CASTOR1: variants seen among roughly 807,000 people sequenced by gnomAD.
CASTOR1 encodes cytosolic arginine sensor for mTORC1 subunit 1.
CASTOR1 carries 18 observed loss-of-function variants against 33.7 expected under a neutral mutation model. The observed-to-expected ratio is 0.53, with a 90% CI of 0.37 to 0.79. The LOEUF (loss-of-function observed/expected upper bound fraction) is 0.79, where lower values mean the gene tolerates loss of function less well. Ranked by LOEUF, CASTOR1 falls within the 30% of genes least tolerant of loss-of-function variation. The pLI is 0.00. For synonymous variants in CASTOR1, 175 were observed against 190.6 expected (o/e 0.92, Z 0.67); for missense variants, 362 against 446.3 (o/e 0.81, Z 1.70).
At chr22:30,287,647 A>C in intron 2 of CASTOR1, 87 bp from the exon 3 acceptor site, 2 of 1,306,688 alleles carry the variant, frequency 1.5e-6, no homozygotes, top group South Asian at 2.7e-5. Flanking sequence ...TGTGCCTTGG[A>C]GGGCTCCATC....
Position 30,285,493 on chromosome 22 carries a change from G to A in CASTOR1, c.*127C>T, listed in dbSNP as rs1015882868. The A allele has an allele frequency of 2.2e-5, 16 of 736,270 alleles. No homozygotes were observed. In the African/African-American group the frequency reaches 2.5e-4, roughly 12 times the overall value. The allele number at this position is 736,270 out of a possible 1,614,324, so 45.6% of individuals were successfully genotyped here. A position where few individuals can be genotyped will look rare whatever the true frequency, so the allele number is the denominator to read the frequency against. ...GGTGCCTGCACGCAGCTTACATACAGAGAGCGGAACGAGGGTCCCCAGCAG... is the reference window on the plus strand; with the variant it reads ...GGTGCCTGCACGCAGCTTACATACAAAGAGCGGAACGAGGGTCCCCAGCAG... On this transcript the variant is annotated 3_prime_UTR_variant, in exon 9 of 9. Transcript: ENST00000407689.
At chr22:30,287,666 G>A in intron 2 of CASTOR1, 106 bp from the exon 3 acceptor site, 1 of 1,129,326 alleles carries the variant, frequency 8.9e-7, no homozygotes, top group South Asian at 1.5e-5. Flanking sequence ...TCAAGGTAAG[G>A]GCAGGTCTGG....
rs767731570 is a variant in CASTOR1 at position 30,287,452 on chromosome 22, G to A, written c.293C>T (p.Ala98Val). The change falls in exon 3 of 9, where the codon GCC becomes GTC. Residue 98 changes from alanine to valine, a missense_variant. By Grantham distance (64) the Ala-to-Val change is moderately conservative. Transcript: ENST00000407689. ...GGCCAGTGGCGCGATGACCGAACGG[G>A]CGATCTTGGTGACCCCAGCAGCCTG... ...AVQAAGVTKI[A>V]RSVIAPLAEH... The A allele has an allele frequency of 6.2e-7, 1 of 1,613,380 alleles. No individual in the cohort carries two copies. The highest frequency in any genetic ancestry group is 8.5e-7 in the Non-Finnish European group (1 of 1,180,044).
At chr22:30,288,439 C>T (rs1222905137) in intron 2 of CASTOR1, among the ~76,000 whole-genome samples, 2 of 152,156 alleles carry the variant, frequency 1.3e-5, no homozygotes, top group Non-Finnish European at 2.9e-5. Context: ...TGCCCCTCAG[C>T]GGTTTTAAGT....
rs759295672 is a variant in CASTOR1, at chr22:30,286,957, G to A, written c.506-9C>T. On this transcript the variant is annotated splice_polypyrimidine_tract_variant and intron_variant, in intron 4 of 8. Transcript: ENST00000407689. The stretch of plus-strand genomic sequence containing the variant: ...CACCGTGGGGCTGGGCCCTGCTGGA[G>A]GACAGCAGCAGGTGAAAAGGTGTCC... The A allele has an allele frequency of 6.2e-7, 1 of 1,607,212 alleles. No individual in the cohort carries two copies. Among genetic ancestry groups the A allele is most frequent in the Non-Finnish European group, 8.5e-7 (1 of 1,175,538 alleles).
Position 30,286,374 on chromosome 22 carries a change from G to T in CASTOR1, c.632C>A (p.Thr211Asn), listed in dbSNP as rs758898589. The change falls in exon 6 of 9, where the codon ACC becomes AAC. Residue 211 changes from threonine (T) to asparagine (N), a missense_variant and splice_region_variant. Coordinates refer to ENST00000407689, the MANE Select transcript of CASTOR1 (RefSeq NM_001037666.3). ...ACTGCTAGAGGCTGCCTCCTTGGGG[G>T]TGCTGGGGAGGGATGGGAGGTTTAG... Reference protein sequence around the residue: ...LIDVLFYSHSTPKEAASSSPE... With the variant: ...LIDVLFYSHSNPKEAASSSPE... The T allele has an allele frequency of 1.2e-6, 2 of 1,608,398 alleles. No individual in the cohort carries two copies. Among genetic ancestry groups the T allele is most frequent in the Non-Finnish European group, 8.5e-7 (1 of 1,175,070 alleles).
chr22:30,287,471 C>T lies in CASTOR1; in HGVS notation c.274G>A (p.Ala92Thr), dbSNP rs557296879. Residue 92 changes from alanine (A) to threonine (T), a missense_variant, in exon 3 of 9, where the codon GCT becomes ACT. Physicochemically the swap from Ala to Thr is moderately conservative, Grantham distance 58 (BLOSUM62 0). Coordinates refer to ENST00000407689, the MANE Select transcript of CASTOR1 (RefSeq NM_001037666.3). Reference protein sequence around the residue: ...SSHSGAAVQAAGVTKIARSVI... With the variant: ...SSHSGAAVQATGVTKIARSVI... ...GAACGGGCGATCTTGGTGACCCCAG[C>T]AGCCTGCACTGCCGCACCGCTGTGA... 4 of 1,613,236 alleles carry T rather than the reference C, an allele frequency of 2.5e-6. No homozygotes were observed. Among genetic ancestry groups the T allele is most frequent in the Non-Finnish European group, 3.4e-6 (4 of 1,180,048 alleles).
intron 1 of CASTOR1, 172 bp from the exon 2 acceptor site, chr22:30,288,948 G>T: frequency 1.7e-6 from 1 of 579,092 alleles, no homozygotes; most frequent in Non-Finnish European, 3.0e-6. Context: ...CGGGGGTTGG[G>T]GGCTACTTTC....
intron 8 of CASTOR1, 60 bp downstream of exon 8, chr22:30,285,772 C>T: frequency 1.3e-6 from 2 of 1,536,854 alleles, no homozygotes; most frequent in Non-Finnish European, 1.8e-6. Flanking sequence ...CTGAGACTAC[C>T]TCCTGCCGCC....
chr22:30,288,149 A>G (rs1260841965), intron 2 of CASTOR1, among the ~76,000 whole-genome samples: 3 of 152,344 alleles, frequency 2.0e-5, no homozygotes, highest in Non-Finnish European at 4.4e-5. Flanking sequence ...TCCAGGCCCC[A>G]GGGAGGGCCC....
Position 30,288,788 on chromosome 22 carries a change from T to C in CASTOR1, c.114-12A>G, listed in dbSNP as rs199816784. ...TGAAGAACTTGCACCTGGTTGGGGG[T>C]GGGGAGCATCTTCAGCTTGGTGTGG... On this transcript the variant is annotated splice_polypyrimidine_tract_variant and intron_variant, in intron 1 of 8. Coordinates refer to ENST00000407689, the MANE Select transcript of CASTOR1 (RefSeq NM_001037666.3). 2.5e-6 allele frequency: 4 copies of C among 1,605,914 alleles called. No homozygotes were observed. The highest frequency in any genetic ancestry group is 1.7e-4 in the Middle Eastern group (1 of 6,030).
intron 2 of CASTOR1, chr22:30,288,096 G>A (rs1333408514): frequency 8.5e-6 from 3 of 350,976 alleles, no homozygotes; most frequent in African/African-American, 2.1e-5. Context: ...AAGCCTGTGA[G>A]GATGGGCAGG....
intron 1 of CASTOR1, 127 bp downstream of exon 1, chr22:30,289,258 G>A (rs1440829557): frequency 1.4e-5 from 10 of 730,998 alleles, no homozygotes; most frequent in Non-Finnish European, 2.1e-5. Flanking sequence ...CGGACGGGGA[G>A]AGTCCTCCCC....
At chr22:30,286,574 C>A in intron 5 of CASTOR1, 198 bp from the exon 6 acceptor site, 1 of 664,234 alleles carries the variant, frequency 1.5e-6, no homozygotes, top group Non-Finnish European at 2.6e-6. Flanking sequence ...CCAGCCTGTG[C>A]CAAAAACAAA....
Position 30,286,947 on chromosome 22 carries a change from C to T in CASTOR1, c.507G>A (p.Gly169=), listed in dbSNP as rs995386237. The T allele has an allele frequency of 3.7e-6, 6 of 1,610,546 alleles. No individual in the cohort carries two copies. The South Asian group carries it at 5.5e-5, about 15-fold the overall frequency. Residue 169 remains glycine, a splice_region_variant and synonymous_variant, in exon 5 of 9, where the codon GGG becomes GGA. Transcript: ENST00000407689. ...SSNGFPRTQH[G]PSPTVHPIQS... ...GGATGGGATGCACCGTGGGGCTGGG[C>T]CCTGCTGGAGGACAGCAGCAGGTGA...
At position 30,285,267 on chromosome 22, in the gene CASTOR1, G is replaced by C. The variant is rs1601661019; in HGVS notation, c.*353C>G. The C allele has an allele frequency of 1.4e-5, 3 of 210,216 alleles. No homozygotes were observed. The highest frequency in any genetic ancestry group is 1.1e-4 in the East Asian group (1 of 8,740). 13.0% of individuals were successfully genotyped at this position (210,216 alleles called of 1,614,324 possible). Reference sequence around the variant, plus strand: ...CCCACCAGAGGCAGAACGGAGGTCAGCGGGGCAGCTGGCCCAGGAAGCCTT... The same window carrying C: ...CCCACCAGAGGCAGAACGGAGGTCACCGGGGCAGCTGGCCCAGGAAGCCTT... On this transcript the variant is annotated 3_prime_UTR_variant, in exon 9 of 9. Transcript: ENST00000407689.
chr22:30,286,728 C>T, intron 5 of CASTOR1, 97 bp downstream of exon 5: 1 of 1,483,530 alleles, frequency 6.7e-7, no homozygotes. Context: ...CAAGAGAGGA[C>T]AAGCAAGAGG....
chr22:30,286,798 G>C (rs1929783871), intron 5 of CASTOR1, 27 bp downstream of exon 5: 1 of 1,613,816 alleles, frequency 6.2e-7, no homozygotes, highest in Non-Finnish European at 8.5e-7. Flanking sequence ...AGTGCTGTGA[G>C]GACAAAGACG....
chr22:30,287,073 C>T (rs1270051482), intron 4 of CASTOR1, 82 bp downstream of exon 4: 1 of 1,550,964 alleles, frequency 6.4e-7, no homozygotes, highest in Non-Finnish European at 8.7e-7. Flanking sequence ...GGTCCTCCTG[C>T]CCCACTGGGG....
Sources: allele counts gnomAD v4.1 joint callset (sites outside exome capture counted in the v4.1 genomes callset), GRCh38; gene constraint gnomAD v4.1.1; transcripts MANE v1.5; gene names NCBI Gene and HGNC (gene_info 2026-07-23, HGNC 2026-07-21).